The following NAV2 variants were observed in gnomAD, a reference collection of about 807,000 sequenced individuals.
NAV2 encodes the protein helicase, APC down-regulated 1.
A neutral mutation model predicts 223.2 loss-of-function variants in NAV2; 54 were observed. The ratio of observed to expected loss-of-function variants is 0.24; its 90% CI spans 0.19 to 0.30. NAV2 has a LOEUF of 0.30. Ranked by LOEUF, NAV2 falls within the 10% of genes least tolerant of loss-of-function variation. NAV2 has a pLI of 1.00. For synonymous variants in NAV2, 1,279 were observed against 1,239.3 expected (o/e 1.03, Z -0.67); for missense variants, 2,806 against 3,147.5 (o/e 0.89, Z 2.60).
At chr11:19,837,482 A>G (rs1239647049) in intron 2 of NAV2, among the ~76,000 whole-genome samples, 1 of 152,220 alleles carries the variant, frequency 6.6e-6, no homozygotes, top group Non-Finnish European at 1.5e-5. Context: ...CACTAATTGG[A>G]GTATCCAGAT....
Position 19,875,278 on chromosome 11 carries a change from G to A in NAV2, c.512-4591G>A, listed in dbSNP as rs566829608. Among the ~76,000 whole-genome samples, 8 of 152,258 alleles carry A rather than the reference G, an allele frequency of 5.3e-5. 1 individual carries two copies. Among genetic ancestry groups the A allele is most frequent in the African/African-American group, 1.9e-4 (8 of 41,538 alleles). ...ATGCATTTAATACATCTAACCTACTGAACATCATAGCTCAGCCTAACCTAC... is the reference window on the plus strand; with the variant it reads ...ATGCATTTAATACATCTAACCTACTAAACATCATAGCTCAGCCTAACCTAC... On this transcript the variant is annotated intron_variant, in intron 4 of 37. Coordinates refer to ENST00000349880, the MANE Select transcript of NAV2 (RefSeq NM_145117.5).
intron 1 of NAV2, among the ~76,000 whole-genome samples, chr11:19,415,351 T>C (rs1850321699): frequency 6.6e-6 from 1 of 151,910 alleles, no homozygotes; most frequent in Non-Finnish European, 1.5e-5. Flanking sequence ...CTAGAAGAAA[T>C]AGATAAATTC....
At chr11:20,028,052 A>C (rs1295799721) in intron 11 of NAV2, among the ~76,000 whole-genome samples, 1 of 152,154 alleles carries the variant, frequency 6.6e-6, no homozygotes, top group Non-Finnish European at 1.5e-5. Context: ...TTGATATTAA[A>C]AATTTGCCTA....
At chr11:19,868,406 C>G (rs1458648571) in intron 3 of NAV2, among the ~76,000 whole-genome samples, 1 of 152,152 alleles carries the variant, frequency 6.6e-6, no homozygotes, top group Non-Finnish European at 1.5e-5. Flanking sequence ...ACAGAAAGCA[C>G]AAAGGACAGA....
chr11:19,421,379 T>C (rs4462314), intron 1 of NAV2, among the ~76,000 whole-genome samples: 103,924 of 152,018 alleles, frequency 0.68, 35,688 homozygotes, highest in Admixed American at 0.73. Flanking sequence ...CATGTGTCCA[T>C]GCTGGGGGAA....
chr11:19,822,183 C>T (rs1328929926), intron 1 of NAV2, among the ~76,000 whole-genome samples: 3 of 152,162 alleles, frequency 2.0e-5, no homozygotes, highest in Non-Finnish European at 4.4e-5. Flanking sequence ...ATTTCAATCT[C>T]ACAGTAACCA....
rs546790497 is a variant in NAV2, at chr11:19,977,438, G to C, written c.2646-6687G>C. Among the ~76,000 whole-genome samples the C allele has an allele frequency of 8.7e-4, 132 of 152,340 alleles. 1 individual carries two copies. The highest frequency in any genetic ancestry group is 3.1e-3 in the African/African-American group (127 of 41,570). ...CATAATCAGGAAGAGGCAATACTGTGTTCTTCGCTTGAATTTCACCTTTAT... is the reference window on the plus strand; with the variant it reads ...CATAATCAGGAAGAGGCAATACTGTCTTCTTCGCTTGAATTTCACCTTTAT... On this transcript the variant is annotated intron_variant, in intron 10 of 37. Coordinates refer to ENST00000349880, the MANE Select transcript of NAV2 (RefSeq NM_145117.5).
At chr11:19,849,979 G>A (rs114266761) in intron 3 of NAV2, among the ~76,000 whole-genome samples, 1,539 of 152,104 alleles carry the variant, frequency 0.01, 13 homozygotes, top group Admixed American at 0.011. Context: ...TCTTTAGCAC[G>A]GAATAGAAGA....
At chr11:19,902,233 C>T (rs886936331) in intron 6 of NAV2, among the ~76,000 whole-genome samples, 1 of 152,212 alleles carries the variant, frequency 6.6e-6, no homozygotes, top group Admixed American at 6.5e-5. Flanking sequence ...CCAGTGCAGT[C>T]TTTTGCCCCC....
intron 1 of NAV2, among the ~76,000 whole-genome samples, chr11:19,605,500 A>C (rs1208179661): frequency 6.6e-6 from 1 of 151,898 alleles, no homozygotes; most frequent in Non-Finnish European, 1.5e-5. Flanking sequence ...GAAATGTTTA[A>C]GTTTCTGGGC....
At chr11:19,573,079 C>T (rs571201094) in intron 1 of NAV2, among the ~76,000 whole-genome samples, 32 of 152,154 alleles carry the variant, frequency 2.1e-4, no homozygotes, top group African/African-American at 7.0e-4. Context: ...CGTCTTGGCT[C>T]GGCAGGCACT....
intron 1 of NAV2, among the ~76,000 whole-genome samples, chr11:19,676,441 G>A: frequency 6.6e-6 from 1 of 151,810 alleles, no homozygotes. Context: ...TTGGTGCATG[G>A]TAAATATTGA....
intron 1 of NAV2, among the ~76,000 whole-genome samples, chr11:19,770,919 G>C (rs7108835): frequency 0.4 from 61,351 of 151,996 alleles, 14,314 homozygotes; most frequent in African/African-American, 0.65. Context: ...TGATTTCTTC[G>C]TGAGGTCTCA....
At chr11:19,514,441 A>C (rs2043377778) in intron 1 of NAV2, among the ~76,000 whole-genome samples, 2 of 151,444 alleles carry the variant, frequency 1.3e-5, no homozygotes, top group Non-Finnish European at 2.9e-5. Flanking sequence ...ATATTTATCA[A>C]CTCCTCAACC....
intron 1 of NAV2, among the ~76,000 whole-genome samples, chr11:19,561,318 G>T (rs564879327): frequency 1.3e-5 from 2 of 152,192 alleles, no homozygotes; most frequent in African/African-American, 4.8e-5. Flanking sequence ...AACCAGTCAC[G>T]GAGAGTCGGG....
At chr11:19,561,960 T>G (rs746175458) in intron 1 of NAV2, among the ~76,000 whole-genome samples, 13 of 152,186 alleles carry the variant, frequency 8.5e-5, no homozygotes, top group Non-Finnish European at 1.6e-4. Context: ...ATTTTTCTAC[T>G]TCAGGCTTTT....
intron 1 of NAV2, among the ~76,000 whole-genome samples, chr11:19,573,962 G>A (rs951270550): frequency 6.6e-6 from 1 of 152,206 alleles, no homozygotes; most frequent in African/African-American, 2.4e-5. Context: ...ATTGTCTGAA[G>A]TCTGCCTAGA....
intron 1 of NAV2, among the ~76,000 whole-genome samples, chr11:19,736,493 T>C (rs1277717102): frequency 2.0e-5 from 3 of 152,156 alleles, no homozygotes; most frequent in Non-Finnish European, 4.4e-5. Flanking sequence ...TACAAAGTCT[T>C]TACTGCATGT....
chr11:20,003,947 G>T (rs1040556005), intron 11 of NAV2, among the ~76,000 whole-genome samples: 3 of 152,166 alleles, frequency 2.0e-5, no homozygotes, highest in African/African-American at 7.2e-5. Flanking sequence ...TCTATTTCTA[G>T]TTACTGCTAG....
Sources: gnomAD v4.1 joint callset for allele counts (sites outside exome capture counted in the v4.1 genomes callset) on GRCh38, gnomAD v4.1.1 for gene constraint, MANE v1.5 for transcripts, NCBI Gene and HGNC (gene_info 2026-07-23, HGNC 2026-07-21) for gene names.